Variants in SLC71A2 observed in about 807,000 individuals in gnomAD.
SLC71A2 encodes solute carrier family 71 member 2.
chr9:94,387,758 G>T, the SLC71A2 span, among the ~76,000 whole-genome samples: 1 of 152,198 alleles, frequency 6.6e-6, no homozygotes, highest in Admixed American at 6.5e-5. Flanking sequence ...AGTTGTCTGA[G>T]CATTGTTTTT....
the SLC71A2 span, among the ~76,000 whole-genome samples, chr9:94,436,626 C>CAGA: frequency 6.6e-6 from 1 of 152,228 alleles, no homozygotes; most frequent in Non-Finnish European, 1.5e-5. Flanking sequence ...TGTCCTTAAT[C>CAGA]TTCTTGGTGC....
chr9:94,459,154 T>C, the SLC71A2 span: 1 of 1,611,024 alleles, frequency 6.2e-7, no homozygotes, highest in Non-Finnish European at 8.5e-7. Context: ...TTTTCCACGT[T>C]CAACAGGGAG....
At chr9:94,447,248 T>TGGCTCACTGCAACCTCTACC in the SLC71A2 span, among the ~76,000 whole-genome samples, 2 of 151,986 alleles carry the variant, frequency 1.3e-5, no homozygotes, top group Non-Finnish European at 2.9e-5. Flanking sequence ...GGCACGATCT[T>TGGCTCACTGCAACCTCTACC]GGCTCACTGC....
the SLC71A2 span, chr9:94,456,364 T>C: frequency 2.9e-4 from 461 of 1,586,052 alleles, 2 homozygotes; most frequent in African/African-American, 5.5e-3. Flanking sequence ...CCACTTGTTT[T>C]TCTCCTTCAA....
chr9:94,448,414 C>G, the SLC71A2 span, among the ~76,000 whole-genome samples: 2 of 152,174 alleles, frequency 1.3e-5, no homozygotes, highest in Non-Finnish European at 2.9e-5. Context: ...ATTGCTCAGA[C>G]CTAAGCTGCC....
chr9:94,459,279 A>ACAG, the SLC71A2 span: 1 of 1,614,216 alleles, frequency 6.2e-7, no homozygotes, highest in African/African-American at 1.3e-5. Context: ...AAACACAGTA[A>ACAG]CAGCAGCAGC....
chr9:94,407,350 A>G, the SLC71A2 span, among the ~76,000 whole-genome samples: 3 of 151,674 alleles, frequency 2.0e-5, no homozygotes, highest in East Asian at 5.8e-4. Context: ...TTTTGCATCA[A>G]TGTGCATAAG....
At chr9:94,430,602 A>G in the SLC71A2 span, among the ~76,000 whole-genome samples, 1 of 152,194 alleles carries the variant, frequency 6.6e-6, no homozygotes, top group African/African-American at 2.4e-5. Flanking sequence ...AGTCCTAGAA[A>G]ACGCAGCACT....
chr9:94,449,507 C>T, the SLC71A2 span, among the ~76,000 whole-genome samples: 2 of 152,278 alleles, frequency 1.3e-5, no homozygotes, highest in African/African-American at 2.4e-5. Flanking sequence ...CATTACTAGC[C>T]GTCAAGGACA....
chr9:94,387,854 A>G, the SLC71A2 span, among the ~76,000 whole-genome samples: 7 of 152,188 alleles, frequency 4.6e-5, no homozygotes, highest in East Asian at 9.6e-4. Flanking sequence ...TACATTGTCT[A>G]TTGTTAAATT....
the SLC71A2 span, among the ~76,000 whole-genome samples, chr9:94,426,170 A>G: frequency 2.0e-5 from 3 of 149,982 alleles, no homozygotes; most frequent in African/African-American, 7.4e-5. Context: ...TGGCAGCCAT[A>G]AGAGATCTGG....
the SLC71A2 span, among the ~76,000 whole-genome samples, chr9:94,443,028 C>A: frequency 6.6e-6 from 1 of 152,190 alleles, no homozygotes; most frequent in Non-Finnish European, 1.5e-5. Context: ...TTGAGATACT[C>A]ATTTTTCTGC....
At chr9:94,399,807 CTT>C in the SLC71A2 span, among the ~76,000 whole-genome samples, 305 of 140,722 alleles carry the variant, frequency 2.2e-3, no homozygotes, top group Non-Finnish European at 3.3e-3. Context: ...GGGAAAAAGC[CTT>C]TTTTTTTTTT....
chr9:94,454,454 A>G, the SLC71A2 span, among the ~76,000 whole-genome samples: 28 of 151,902 alleles, frequency 1.8e-4, no homozygotes, highest in Admixed American at 1.7e-3. Context: ...TGCAACCTCT[A>G]CCACCCGGAT....
At chr9:94,376,444 G>T in the SLC71A2 span, among the ~76,000 whole-genome samples, 1 of 151,966 alleles carries the variant, frequency 6.6e-6, no homozygotes, top group African/African-American at 2.4e-5. Flanking sequence ...CTTGCACGTG[G>T]CTGAGTAGTG....
the SLC71A2 span, chr9:94,458,515 G>A: frequency 6.4e-7 from 1 of 1,553,792 alleles, no homozygotes; most frequent in East Asian, 2.3e-5. Context: ...TATGATTATA[G>A]CAAAATCTTG....
chr9:94,428,599 CCT>C, the SLC71A2 span, among the ~76,000 whole-genome samples: 128 of 141,860 alleles, frequency 9.0e-4, 1 homozygote, highest in South Asian at 6.1e-3. Flanking sequence ...TACCCCCCCC[CCT>C]TTTTTTTTTT....
At chr9:94,410,575 C>G in the SLC71A2 span, among the ~76,000 whole-genome samples, 2 of 151,788 alleles carry the variant, frequency 1.3e-5, no homozygotes, top group East Asian at 1.9e-4. Flanking sequence ...AATATTGATT[C>G]TAAAGGGGTC....
At chr9:94,411,256 A>C in the SLC71A2 span, among the ~76,000 whole-genome samples, 1 of 147,924 alleles carries the variant, frequency 6.8e-6, no homozygotes, top group Non-Finnish European at 1.5e-5. Flanking sequence ...TACTGCAACA[A>C]GGCCAATCTT....
Sources: gnomAD v4.1 joint callset for allele counts (sites outside exome capture counted in the v4.1 genomes callset) on GRCh38, gnomAD v4.1.1 for gene constraint, MANE v1.5 for transcripts, NCBI Gene and HGNC (gene_info 2026-07-23, HGNC 2026-07-21) for gene names.